The following LRMDA variants were observed in gnomAD, a reference collection of about 807,000 sequenced individuals.
LRMDA encodes the protein leucine-rich melanocyte differentiation-associated protein.
A neutral mutation model predicts 29.8 loss-of-function variants in LRMDA; 18 were observed. That is an observed-to-expected ratio of 0.60 (90% CI 0.42 to 0.90). The LOEUF is 0.90. LRMDA is among the 40% of genes least tolerant of loss of function. The pLI is 0.00. For missense variants in LRMDA, 273 were observed against 273.9 expected (o/e 1.00, Z 0.02); for synonymous variants, 125 against 109.4 (o/e 1.14, Z -0.89).
At chr10:75,524,057 C>G (rs564638442) in intron 2 of LRMDA, among the ~76,000 whole-genome samples, 34 of 152,086 alleles carry the variant, frequency 2.2e-4, no homozygotes, top group African/African-American at 8.0e-4. Flanking sequence ...GCAGATCAAA[C>G]AAAAGAATTT....
At chr10:75,685,409 C>A (rs749972454) in intron 2 of LRMDA, among the ~76,000 whole-genome samples, 7 of 152,232 alleles carry the variant, frequency 4.6e-5, no homozygotes, top group Admixed American at 1.3e-4. Flanking sequence ...AGGCCAGAGT[C>A]AAGATGTGGC....
chr10:75,476,562 A>G (rs1357337491), intron 2 of LRMDA, among the ~76,000 whole-genome samples: 2 of 152,136 alleles, frequency 1.3e-5, no homozygotes, highest in Non-Finnish European at 2.9e-5. Flanking sequence ...AATTGCCTAG[A>G]GTCACGGTCT....
rs555071875 is a variant in LRMDA at position 76,305,246 on chromosome 10, C to G, written c.517-19155C>G. Among the ~76,000 whole-genome samples the G allele has an allele frequency of 8.0e-4, 121 of 152,058 alleles. 2 individuals carry two copies. Among genetic ancestry groups the G allele is most frequent in the Admixed American group, 4.6e-4 (7 of 15,262 alleles). ...GGATATGGAATAAGAGAAAAGAGGG[C>G]TTGTAGCATGTGTGGGCCCTTTCTT... On this transcript the variant is annotated intron_variant, in intron 5 of 6. Coordinates refer to ENST00000611255, the MANE Select transcript of LRMDA (RefSeq NM_001305581.2).
In LRMDA at chr10:76,212,267, A is replaced by AT. The variant is rs1851649856; in HGVS notation, c.517-112133dup. ...CACACACACACACACACACACACAC[A>AT]TAAAAAAAAAAAACTATAGAGAAAT... is the stretch of plus-strand genomic sequence containing the variant. On this transcript the variant is annotated intron_variant, in intron 5 of 6. Coordinates refer to ENST00000611255, the MANE Select transcript of LRMDA (RefSeq NM_001305581.2). Among the ~76,000 whole-genome samples, 5 of 141,904 alleles carry AT rather than the reference A, an allele frequency of 3.5e-5. No homozygotes were observed. The South Asian group carries it at 1.1e-3, about 31-fold the overall frequency. The allele number at this position is 141,904 out of a possible 152,430, so 93.1% of individuals were successfully genotyped here.
chr10:75,967,674 AG>A (rs757433464), intron 2 of LRMDA, among the ~76,000 whole-genome samples: 1 of 151,824 alleles, frequency 6.6e-6, no homozygotes, highest in Non-Finnish European at 1.5e-5. Flanking sequence ...TAATCTGCAC[AG>A]TATGAAGCCA....
rs576134929 is a variant in LRMDA at position 75,916,994 on chromosome 10, C to T, written c.132-119014C>T. On this transcript the variant is annotated intron_variant, in intron 2 of 6. Transcript: ENST00000611255. The stretch of plus-strand genomic sequence containing the variant: ...ACACTTTTTGTCGGGGGCTTGTTGA[C>T]CTTATGTTAAGTTGCTTCTTTGCGA... Among the ~76,000 whole-genome samples the T allele has an allele frequency of 1.1e-4, 16 of 152,208 alleles. 1 individual carries two copies. The South Asian group carries it at 1.7e-3, about 16-fold the overall frequency.
At chr10:75,995,306 A>G (rs75746459) in intron 2 of LRMDA, among the ~76,000 whole-genome samples, 234 of 152,280 alleles carry the variant, frequency 1.5e-3, no homozygotes, top group African/African-American at 5.4e-3. Flanking sequence ...TGGAGTTTCC[A>G]GTTTCTACCT....
In LRMDA at chr10:76,324,485, G is replaced by A. The variant is rs761286170; in HGVS notation, c.601G>A (p.Gly201Ser). Residue 201 changes from glycine (G) to serine (S), a missense_variant and splice_region_variant, in exon 6 of 7, where the codon GGT (glycine) becomes AGT (serine). Physicochemically the swap from Gly to Ser is moderately conservative, Grantham distance 56. Coordinates refer to ENST00000611255, the MANE Select transcript of LRMDA (RefSeq NM_001305581.2). Reference sequence around the variant, plus strand: ...TTCCAGGGAACTCACCAGTCACCAAGGTTGGAACTCAGCTTTTTATTGCTC... The same window carrying A: ...TTCCAGGGAACTCACCAGTCACCAAAGTTGGAACTCAGCTTTTTATTGCTC... ...SASRELTSHQGVLGKCRYVYY... is the reference protein window; with the variant it reads ...SASRELTSHQSVLGKCRYVYY... The A allele has an allele frequency of 2.5e-6, 4 of 1,614,064 alleles. No individual in the cohort carries two copies. The East Asian group carries it at 6.7e-5, about 27-fold the overall frequency.
chr10:76,119,619 A>G (rs1396947951), intron 5 of LRMDA, among the ~76,000 whole-genome samples: 1 of 152,106 alleles, frequency 6.6e-6, no homozygotes, highest in Admixed American at 6.5e-5. Flanking sequence ...AAGTACATTC[A>G]TGTTCCTCCT....
At position 75,438,442 on chromosome 10, in the gene LRMDA, AG is replaced by A. The variant is rs1457643971; in HGVS notation, c.82del (p.Asp28ThrfsTer11). ...DCREIPEHLG[R>X]DCGHFAKRLD... ...CAGAGAAATTCCAGAGCACCTTGGCAGGGACTGTGGACATTTCGCAAAGAGG... is the reference window on the plus strand; with the variant it reads ...CAGAGAAATTCCAGAGCACCTTGGCAGGACTGTGGACATTTCGCAAAGAGG... On this transcript the variant is annotated frameshift_variant, in exon 2 of 7. Transcript: ENST00000611255. LOFTEE classifies it high-confidence loss of function. 3 of 1,551,016 alleles carry A rather than the reference AG, an allele frequency of 1.9e-6. No homozygotes were observed. The highest frequency in any genetic ancestry group is 2.6e-6 in the Non-Finnish European group (3 of 1,147,070).
intron 2 of LRMDA, among the ~76,000 whole-genome samples, chr10:75,728,581 A>G (rs766764230): frequency 1.3e-5 from 2 of 152,078 alleles, no homozygotes; most frequent in African/African-American, 2.4e-5. Flanking sequence ...AAATTCATAA[A>G]TGAAGAAGGC....
intron 6 of LRMDA, among the ~76,000 whole-genome samples, chr10:76,456,506 A>C (rs540671233): frequency 6.6e-6 from 1 of 152,316 alleles, no homozygotes; most frequent in African/African-American, 2.4e-5. Flanking sequence ...GTGATGGCTA[A>C]GAAAAATGTC....
chr10:75,893,342 A>G (rs969297861), intron 2 of LRMDA, among the ~76,000 whole-genome samples: 4 of 152,312 alleles, frequency 2.6e-5, no homozygotes, highest in East Asian at 1.9e-4. Context: ...ACCCACATCA[A>G]AAATATGTAT....
At chr10:76,492,788 G>C (rs1269391081) in intron 6 of LRMDA, among the ~76,000 whole-genome samples, 2 of 152,014 alleles carry the variant, frequency 1.3e-5, no homozygotes, top group East Asian at 3.9e-4. Flanking sequence ...GAAGAAGGAA[G>C]CCCTTTATAA....
intron 6 of LRMDA, among the ~76,000 whole-genome samples, chr10:76,411,794 G>T (rs1375771054): frequency 2.0e-5 from 3 of 152,234 alleles, no homozygotes; most frequent in Non-Finnish European, 4.4e-5. Flanking sequence ...GGGAAGCTTT[G>T]CCGGGGCCTC....
chr10:75,504,155 G>C (rs1046322602), intron 2 of LRMDA, among the ~76,000 whole-genome samples: 1 of 151,900 alleles, frequency 6.6e-6, no homozygotes. Context: ...TAGTGCCTGG[G>C]TAATGTTTGT....
At chr10:75,532,022 A>G (rs1845482697) in intron 2 of LRMDA, among the ~76,000 whole-genome samples, 1 of 146,630 alleles carries the variant, frequency 6.8e-6, no homozygotes, top group Non-Finnish European at 1.5e-5. Flanking sequence ...CCAGCCTGGC[A>G]GATAAGGGAA....
intron 2 of LRMDA, among the ~76,000 whole-genome samples, chr10:75,891,492 T>A (rs1266035484): frequency 3.9e-5 from 6 of 152,140 alleles, no homozygotes; most frequent in Non-Finnish European, 8.8e-5. Context: ...TGCTGGTGAC[T>A]TTGCAATTGG....
intron 2 of LRMDA, among the ~76,000 whole-genome samples, chr10:75,497,055 CAT>C (rs1207952358): frequency 6.6e-6 from 1 of 151,236 alleles, no homozygotes; most frequent in East Asian, 1.9e-4. Context: ...GAATGAAAGA[CAT>C]ATGCATGGGT....
Sources: gnomAD v4.1 joint callset for allele counts (sites outside exome capture counted in the v4.1 genomes callset) on GRCh38, gnomAD v4.1.1 for gene constraint, MANE v1.5 for transcripts, NCBI Gene and HGNC (gene_info 2026-07-23, HGNC 2026-07-21) for gene names.